The following AFDN variants were observed in gnomAD, a reference collection of about 807,000 sequenced individuals.
AFDN encodes afadin.
In AFDN, 68 loss-of-function variants were observed where a neutral mutation model predicts 216.6. The ratio of observed to expected loss-of-function variants is 0.31; its 90% CI spans 0.26 to 0.38. The LOEUF is 0.38. Among genes scored for constraint, AFDN ranks in the 10% least tolerant of loss-of-function variants. The pLI is 1.00. For synonymous variants in AFDN, 868 were observed against 853.7 expected (o/e 1.02, Z -0.29); for missense variants, 2,136 against 2,342.0 (o/e 0.91, Z 1.82).
intron 1 of AFDN, among the ~76,000 whole-genome samples, chr6:167,855,330 A>C (rs550321695): frequency 1.3e-5 from 2 of 152,262 alleles, no homozygotes; most frequent in East Asian, 3.9e-4. Context: ...TCCTGCCTCC[A>C]GGAGTACCTT....
At chr6:167,916,784 CTGAA>C (rs1791128686) in intron 19 of AFDN, among the ~76,000 whole-genome samples, 1 of 152,074 alleles carries the variant, frequency 6.6e-6, no homozygotes, top group African/African-American at 2.4e-5. Flanking sequence ...AATTGGTCAT[CTGAA>C]TGGTCAAGTA....
chr6:167,873,283 A>G (rs528402779), intron 4 of AFDN, among the ~76,000 whole-genome samples: 1 of 152,330 alleles, frequency 6.6e-6, no homozygotes, highest in African/African-American at 2.4e-5. Context: ...TATTTCATAT[A>G]CTTGTCTGGA....
At chr6:167,935,295 A>G (rs1793848650) in intron 23 of AFDN, among the ~76,000 whole-genome samples, 1 of 152,200 alleles carries the variant, frequency 6.6e-6, no homozygotes, top group Non-Finnish European at 1.5e-5. Context: ...TGTTTTTTAA[A>G]GGATACAAGA....
chr6:167,890,248 A>AT (rs1408572969), intron 7 of AFDN, among the ~76,000 whole-genome samples: 1 of 152,230 alleles, frequency 6.6e-6, no homozygotes, highest in Non-Finnish European at 1.5e-5. Context: ...CTTGTTTAGT[A>AT]TTTTTTAAAA....
chr6:167,891,568 A>G (rs1230556124), intron 8 of AFDN, among the ~76,000 whole-genome samples: 1 of 152,052 alleles, frequency 6.6e-6, no homozygotes, highest in Non-Finnish European at 1.5e-5. Flanking sequence ...GACTACATTT[A>G]TTTTCACATG....
intron 1 of AFDN, among the ~76,000 whole-genome samples, chr6:167,845,372 A>G (rs1354260661): frequency 1.3e-5 from 2 of 151,936 alleles, no homozygotes; most frequent in Non-Finnish European, 2.9e-5. Flanking sequence ...TATTAAATGA[A>G]TATTTCTTTT....
rs775055966 is a variant in AFDN at position 167,915,302 on chromosome 6, G to A, written c.2434G>A (p.Asp812Asn). 8.7e-6 allele frequency: 14 copies of A among 1,614,058 alleles called. No individual in the cohort carries two copies. The highest frequency in any genetic ancestry group is 2.2e-5 in the South Asian group (2 of 91,084). ...NMWLFNRLVT[D>N]PDSGLCSHYW... is the part of the protein sequence containing the mutation. The stretch of plus-strand genomic sequence containing the variant: ...GTGGCTGTTCAATAGATTGGTGACC[G>A]ACCCAGATTCGGGGCTGTGCTCCCA... Residue 812 changes from aspartate (D) to asparagine (N), a missense_variant, in exon 19 of 34, where the codon GAC becomes AAC. By Grantham distance (23) the Asp-to-Asn change is conservative (BLOSUM62 1). This residue lies in a region of AFDN where 817 missense variants were observed against 965.7 expected (regional missense o/e 0.85). Transcript: ENST00000683244.
chr6:167,928,714 T>C (rs1191648008), intron 23 of AFDN, among the ~76,000 whole-genome samples: 1 of 152,222 alleles, frequency 6.6e-6, no homozygotes, highest in Non-Finnish European at 1.5e-5. Context: ...GCATCCATGC[T>C]GCTGCCCACA....
At chr6:167,915,752 G>A (rs1341944414) in intron 19 of AFDN, among the ~76,000 whole-genome samples, 2 of 152,102 alleles carry the variant, frequency 1.3e-5, no homozygotes, top group African/African-American at 4.8e-5. Context: ...ACTGCAGATT[G>A]TTTACATGGT....
chr6:167,969,704 C>A, intron 33 of AFDN, 78 bp from the exon 34 acceptor site: 1 of 1,370,276 alleles, frequency 7.3e-7, no homozygotes, highest in East Asian at 2.4e-5. Context: ...TTTAATCGCC[C>A]ATTTTGCAAA....
At chr6:167,872,490 G>A (rs1411532431) in intron 4 of AFDN, 113 bp downstream of exon 4, 10 of 1,204,234 alleles carry the variant, frequency 8.3e-6, no homozygotes, top group Non-Finnish European at 1.2e-5. Context: ...GTATCAGTCA[G>A]GAAATGTGTT....
chr6:167,880,115 G>C (rs1037725812), intron 5 of AFDN, among the ~76,000 whole-genome samples: 1 of 152,156 alleles, frequency 6.6e-6, no homozygotes, highest in African/African-American at 2.4e-5. Context: ...AGCTTGAAGA[G>C]AGAAGATGAA....
chr6:167,865,759 T>C (rs529460556), intron 2 of AFDN, among the ~76,000 whole-genome samples: 1 of 152,186 alleles, frequency 6.6e-6, no homozygotes, highest in African/African-American at 2.4e-5. Context: ...CTAATTTGAA[T>C]ACCTCTTTTA....
intron 27 of AFDN, among the ~76,000 whole-genome samples, chr6:167,947,401 G>T (rs184446412): frequency 3.9e-5 from 6 of 152,050 alleles, no homozygotes; most frequent in Admixed American, 3.9e-4. Context: ...GGATGGTCTC[G>T]ATCTCCTGAC....
chr6:167,922,895 C>G lies in AFDN; in HGVS notation c.2948C>G (p.Thr983Ser), dbSNP rs1166890976. ...RLIPHTRSPGTWTIYFEGADY... is the reference protein window; with the variant it reads ...RLIPHTRSPGSWTIYFEGADY... ...ATTCCTCACACACGTTCACCAGGTA[C>G]TTGGACAATATATTTTGAAGGTGCA... The change falls in exon 22 of 34, where the codon ACT becomes AGT. Residue 983 changes from threonine to serine, a missense_variant. Physicochemically the swap from Thr to Ser is moderately conservative, Grantham distance 58. Coordinates refer to ENST00000683244, the MANE Select transcript of AFDN (RefSeq NM_001386888.1). 1 of 1,613,192 alleles carries G rather than the reference C, an allele frequency of 6.2e-7. No homozygotes were observed. Among genetic ancestry groups the G allele is most frequent in the South Asian group, 1.1e-5 (1 of 90,922 alleles).
At chr6:167,966,279 A>G (rs1311710297) in intron 32 of AFDN, 1 of 1,503,418 alleles carries the variant, frequency 6.7e-7, no homozygotes, top group Middle Eastern at 1.7e-4. Flanking sequence ...AGGTAGAGGT[A>G]AAAGAGTGAC....
chr6:167,891,055 A>G (rs1251650277), intron 8 of AFDN, 26 bp downstream of exon 8: 1 of 1,511,698 alleles, frequency 6.6e-7, no homozygotes, highest in Admixed American at 2.1e-5. Context: ...ACACCAGCAC[A>G]CATTATTAAT....
chr6:167,835,080 G>T (rs1780273378), intron 1 of AFDN, among the ~76,000 whole-genome samples: 1 of 152,162 alleles, frequency 6.6e-6, no homozygotes, highest in Non-Finnish European at 1.5e-5. Flanking sequence ...GGAAAATATT[G>T]ATTCACTGAG....
chr6:167,930,151 AC>A (rs1793101276), intron 23 of AFDN, among the ~76,000 whole-genome samples: 1 of 152,114 alleles, frequency 6.6e-6, no homozygotes, highest in South Asian at 2.1e-4. Context: ...GCTGTGGTGA[AC>A]TGTTTTTTCA....
Sources: allele counts gnomAD v4.1 joint callset (sites outside exome capture counted in the v4.1 genomes callset), GRCh38; gene constraint gnomAD v4.1.1; regional missense constraint gnomAD v4.1.1; transcripts MANE v1.5; gene names NCBI Gene and HGNC (gene_info 2026-07-23, HGNC 2026-07-21).